Variants in NRXN1 observed in about 807,000 individuals in gnomAD.
The protein encoded by NRXN1 is neurexin-1.
NRXN1 carries 39 observed loss-of-function variants against 150.9 expected under a neutral mutation model. That is an observed-to-expected ratio of 0.26 (90% CI 0.20 to 0.34). The LOEUF (loss-of-function observed/expected upper bound fraction) is 0.34, where lower values mean the gene tolerates loss of function less well. Ranked by LOEUF, NRXN1 falls within the 10% of genes least tolerant of loss-of-function variation. The probability of loss-of-function intolerance (pLI) is 1.00; values close to 1 mark genes in which losing one functional copy is unlikely to be tolerated. For missense variants in NRXN1, 1,815 were observed against 1,949.9 expected, an observed-to-expected ratio of 0.93 and a Z score of 1.30; for synonymous variants, 924 against 757.0, an observed-to-expected ratio of 1.22 and a Z score of -3.62.
intron 2 of NRXN1, among the ~76,000 whole-genome samples, chr2:50,947,533 T>C (rs1434222986): frequency 1.3e-5 from 2 of 151,950 alleles, no homozygotes; most frequent in Non-Finnish European, 2.9e-5. Context: ...AATTTTATTC[T>C]AGACAAGATA....
intron 5 of NRXN1, among the ~76,000 whole-genome samples, chr2:50,785,370 TC>T (rs1182269126): frequency 2.1e-5 from 3 of 146,258 alleles, no homozygotes; most frequent in Non-Finnish European, 4.5e-5. Flanking sequence ...TGCCTCAGCC[TC>T]CCGAGTAGCT....
chr2:50,129,238 G>A (rs1026124081), intron 18 of NRXN1, among the ~76,000 whole-genome samples: 1 of 151,922 alleles, frequency 6.6e-6, no homozygotes, highest in African/African-American at 2.4e-5. Context: ...AAAACTGGAG[G>A]AACGCAAAGT....
chr2:50,991,007 TATTCATTC>T (rs563823598), intron 2 of NRXN1, among the ~76,000 whole-genome samples: 20 of 152,054 alleles, frequency 1.3e-4, no homozygotes, highest in Admixed American at 5.2e-4. Flanking sequence ...TTCTTTAATG[TATTCATTC>T]ATTCATTCAG....
In NRXN1 at chr2:50,486,353, C is replaced by T. The variant is rs144937328; in HGVS notation, c.3070+9552G>A. ...CCAAGCCATAAGATAGTTTTTCTCA[C>T]GAAAACACTCAGTTTTCTACAATAC... On this transcript the variant is annotated intron_variant, in intron 15 of 22. Transcript: ENST00000401669. Among the ~76,000 whole-genome samples the T allele has an allele frequency of 9.9e-5, 15 of 152,094 alleles. 1 individual carries two copies. The highest frequency in any genetic ancestry group is 7.7e-4 in the East Asian group (4 of 5,182).
At chr2:50,192,796 G>C (rs1203362719) in intron 18 of NRXN1, among the ~76,000 whole-genome samples, 5 of 152,126 alleles carry the variant, frequency 3.3e-5, no homozygotes, top group Admixed American at 2.0e-4. Flanking sequence ...TTTTAGTAGA[G>C]ACAAGGTTTC....
At chr2:50,241,427 T>C (rs953183185) in intron 17 of NRXN1, among the ~76,000 whole-genome samples, 11 of 151,758 alleles carry the variant, frequency 7.2e-5, no homozygotes, top group African/African-American at 2.7e-4. Flanking sequence ...TATGCATGTT[T>C]CTATATGGCA....
chr2:50,999,148 T>G (rs1699714170), intron 2 of NRXN1, among the ~76,000 whole-genome samples: 1 of 152,108 alleles, frequency 6.6e-6, no homozygotes. Context: ...ATGCAATTTG[T>G]TAACATGGTA....
At chr2:50,702,353 A>C (rs1407557099) in intron 5 of NRXN1, among the ~76,000 whole-genome samples, 1 of 2,512 alleles carries the variant, frequency 4.0e-4, no homozygotes, top group Non-Finnish European at 7.6e-4. Flanking sequence ...AAAATGTTGT[A>C]ATGAAAAAAA....
chr2:50,696,130 A>G (rs938397805), intron 5 of NRXN1: 3 of 152,118 alleles, frequency 2.0e-5, no homozygotes, highest in Admixed American at 6.6e-5. Context: ...GGCAAGAGCC[A>G]CCACACCCAG....
chr2:50,182,863 T>C (rs1470813508), intron 18 of NRXN1, among the ~76,000 whole-genome samples: 3 of 152,092 alleles, frequency 2.0e-5, no homozygotes, highest in South Asian at 2.1e-4. Context: ...CATTATTCAT[T>C]GTGGAGAAAA....
At chr2:50,050,793 TC>T (rs1692593070) in intron 21 of NRXN1, among the ~76,000 whole-genome samples, 1 of 146,372 alleles carries the variant, frequency 6.8e-6, no homozygotes, top group African/African-American at 2.5e-5. Flanking sequence ...TAATGTTTTT[TC>T]CCCATACATA....
chr2:50,531,189 AAAAAGTGTTAGTTCAATGGGGG>A lies in NRXN1; in HGVS notation c.2347+16_2347+37del. 6.4e-7 allele frequency: 1 copy of A among 1,552,464 alleles called. No individual in the cohort carries two copies. The highest frequency in any genetic ancestry group is 1.2e-5 in the South Asian group (1 of 86,726). On this transcript the variant is annotated intron_variant, in intron 11 of 22. Transcript: ENST00000401669. ...TTGCAGGCAAATTGAACAAAAAGTA[AAAAAGTGTTAGTTCAATGGGGG>A]AAGGCAGGTTGTTACCTAGATTGAC...
intron 18 of NRXN1, among the ~76,000 whole-genome samples, chr2:50,136,037 A>C (rs549921419): frequency 1.3e-5 from 2 of 152,304 alleles, no homozygotes; most frequent in South Asian, 4.1e-4. Context: ...CCCAGTCTTC[A>C]ATACAATAGA....
intron 5 of NRXN1, among the ~76,000 whole-genome samples, chr2:50,838,351 T>G (rs1161920399): frequency 6.6e-6 from 1 of 152,152 alleles, no homozygotes; most frequent in East Asian, 1.9e-4. Flanking sequence ...AGGAATATTT[T>G]GGTGATACTG....
At position 50,472,374 on chromosome 2, in the gene NRXN1, A is replaced by T; in HGVS notation, c.3168T>A (p.Val1056=). 1 of 1,612,214 alleles carries T rather than the reference A, an allele frequency of 6.2e-7. No homozygotes were observed. Among genetic ancestry groups the T allele is most frequent in the Non-Finnish European group, 8.5e-7 (1 of 1,178,832 alleles). ...KEGFQGCLAS[V]DLNGRLPDLI... ...GGTCCGGAAGCCGTCCATTTAAATCAACTGATGCCAGGCAGCCTTGAAAGC... is the reference window on the plus strand; with the variant it reads ...GGTCCGGAAGCCGTCCATTTAAATCTACTGATGCCAGGCAGCCTTGAAAGC... The change falls in exon 16 of 23, where the codon GTT becomes GTA. Residue 1056 remains valine (V), a synonymous_variant. Transcript: ENST00000401669.
chr2:50,763,381 CAAT>C (rs369041017), intron 5 of NRXN1, among the ~76,000 whole-genome samples: 13 of 152,018 alleles, frequency 8.6e-5, no homozygotes, highest in African/African-American at 2.9e-4. Flanking sequence ...TGTAAAACAA[CAAT>C]GACTATTCTA....
At chr2:50,869,807 A>G (rs1677488799) in intron 5 of NRXN1, among the ~76,000 whole-genome samples, 1 of 151,882 alleles carries the variant, frequency 6.6e-6, no homozygotes, top group African/African-American at 2.4e-5. Context: ...TATTAACTCA[A>G]CATAAGTGAG....
At chr2:50,595,975 G>A (rs1265640382) in intron 8 of NRXN1, among the ~76,000 whole-genome samples, 1 of 152,136 alleles carries the variant, frequency 6.6e-6, no homozygotes, top group Admixed American at 6.6e-5. Flanking sequence ...TCCCAACAAT[G>A]TCTTGGTTAT....
chr2:49,951,497 T>A (rs535240261), intron 21 of NRXN1, among the ~76,000 whole-genome samples: 23 of 152,060 alleles, frequency 1.5e-4, no homozygotes, highest in Admixed American at 6.6e-4. Context: ...GAATTCTCAC[T>A]AATTAGAATT....
Sources: allele counts gnomAD v4.1 joint callset (sites outside exome capture counted in the v4.1 genomes callset), GRCh38; gene constraint gnomAD v4.1.1; transcripts MANE v1.5; gene names NCBI Gene and HGNC (gene_info 2026-07-23, HGNC 2026-07-21).